ST8SIA4: variants seen among roughly 807,000 people sequenced by gnomAD.
ST8SIA4 encodes CMP-N-acetylneuraminate-poly-alpha-2,8-sialyltransferase.
In ST8SIA4, 15 loss-of-function variants were observed where a neutral mutation model predicts 33.9. The observed-to-expected ratio is 0.44, with a 90% CI of 0.30 to 0.68. ST8SIA4 has a LOEUF of 0.68. ST8SIA4 is among the 30% of genes least tolerant of loss of function. The pLI, the probability that ST8SIA4 is intolerant of heterozygous loss-of-function variation, is 0.10. For missense variants in ST8SIA4, 321 were observed against 428.0 expected (o/e 0.75, Z 2.21); for synonymous variants, 171 against 151.2 (o/e 1.13, Z -0.96).
chr5:100,818,796 A>G (rs17779694), intron 4 of ST8SIA4, among the ~76,000 whole-genome samples: 4,975 of 152,278 alleles, frequency 0.033, 106 homozygotes, highest in African/African-American at 0.059. Context: ...CATGGCATGA[A>G]GAAAGGAATG....
chr5:100,853,212 T>A (rs1311095384), intron 4 of ST8SIA4, among the ~76,000 whole-genome samples: 1 of 152,204 alleles, frequency 6.6e-6, no homozygotes, highest in Non-Finnish European at 1.5e-5. Context: ...CACTTCCTTA[T>A]TTTCATTTAC....
chr5:100,874,488 T>G (rs1442794525), intron 3 of ST8SIA4, among the ~76,000 whole-genome samples: 1 of 152,148 alleles, frequency 6.6e-6, no homozygotes, highest in Non-Finnish European at 1.5e-5. Context: ...TGATTCATAT[T>G]TTTATGTCCT....
chr5:100,835,783 C>T (rs753070633), intron 4 of ST8SIA4, among the ~76,000 whole-genome samples: 5 of 152,116 alleles, frequency 3.3e-5, no homozygotes, highest in Admixed American at 6.6e-5. Context: ...ATACATTGGA[C>T]ATATTCATTC....
At chr5:100,897,965 C>T (rs556172999) in intron 1 of ST8SIA4, among the ~76,000 whole-genome samples, 5 of 152,208 alleles carry the variant, frequency 3.3e-5, no homozygotes, top group African/African-American at 4.8e-5. Context: ...CAGAAGCTAA[C>T]GTTCACACTT....
At chr5:100,816,474 G>A in intron 4 of ST8SIA4, 1 of 519,050 alleles carries the variant, frequency 1.9e-6, no homozygotes, top group South Asian at 1.5e-5. Context: ...AAGTCTAAAA[G>A]TTTAGAAGTA....
At chr5:100,881,914 T>C (rs1391366089) in intron 3 of ST8SIA4, among the ~76,000 whole-genome samples, 1 of 152,218 alleles carries the variant, frequency 6.6e-6, no homozygotes, top group African/African-American at 2.4e-5. Flanking sequence ...TCTCCAGCCA[T>C]GTGGAATTGT....
intron 3 of ST8SIA4, among the ~76,000 whole-genome samples, chr5:100,878,605 A>T (rs1752353108): frequency 6.6e-6 from 1 of 152,144 alleles, no homozygotes; most frequent in African/African-American, 2.4e-5. Flanking sequence ...TGTTTTGCTT[A>T]TTGCTTCCTA....
At position 100,811,212 on chromosome 5, in the gene ST8SIA4, A is replaced by G. The variant is rs1355977424; in HGVS notation, c.*635T>C. ...CTTTGTGTGATAGCTTTTAAAAAGT[A>G]TAAGAACTTTAAAAATAATTACTTA... is the stretch of plus-strand genomic sequence containing the variant. On this transcript the variant is annotated 3_prime_UTR_variant, in exon 5 of 5. Transcript: ENST00000231461. 6.6e-6 allele frequency: 1 copy of G among 152,390 alleles called. No individual in the cohort carries two copies. The highest frequency in any genetic ancestry group is 1.5e-5 in the Non-Finnish European group (1 of 68,032). 9.4% of individuals were successfully genotyped at this position (152,390 alleles called of 1,614,324 possible).
At position 100,897,257 on chromosome 5, in the gene ST8SIA4, C is replaced by G. The variant is rs572600334; in HGVS notation, c.114-1472G>C. Reference sequence around the variant, plus strand: ...AGCTAGTATATCATGTGGCATGGTACTAGCTGAGGTGCTGGTGGGAGTGAT... The same window carrying G: ...AGCTAGTATATCATGTGGCATGGTAGTAGCTGAGGTGCTGGTGGGAGTGAT... On this transcript the variant is annotated intron_variant, in intron 1 of 4. Coordinates refer to ENST00000231461, the MANE Select transcript of ST8SIA4 (RefSeq NM_005668.6). Among the ~76,000 whole-genome samples the G allele has an allele frequency of 5.9e-5, 9 of 152,186 alleles. No individual in the cohort carries two copies. In the South Asian group the frequency reaches 8.3e-4, roughly 14 times the overall value.
At chr5:100,836,936 A>G (rs1456268498) in intron 4 of ST8SIA4, among the ~76,000 whole-genome samples, 1 of 151,596 alleles carries the variant, frequency 6.6e-6, no homozygotes. Flanking sequence ...ACTTATCGCT[A>G]TTGACTTTAC....
intron 4 of ST8SIA4, among the ~76,000 whole-genome samples, chr5:100,834,341 C>T (rs1185740051): frequency 6.6e-6 from 1 of 152,074 alleles, no homozygotes; most frequent in Non-Finnish European, 1.5e-5. Flanking sequence ...ACAGTTATCT[C>T]ATAACTATTT....
chr5:100,833,915 A>G (rs191661037), intron 4 of ST8SIA4, among the ~76,000 whole-genome samples: 1 of 152,234 alleles, frequency 6.6e-6, no homozygotes, highest in Admixed American at 6.5e-5. Flanking sequence ...TAATTATCCA[A>G]GTGAGGTAAG....
intron 3 of ST8SIA4, among the ~76,000 whole-genome samples, chr5:100,873,971 G>A (rs921560155): frequency 2.0e-5 from 3 of 152,060 alleles, no homozygotes; most frequent in Admixed American, 6.6e-5. Context: ...TTTAAGCATT[G>A]CTTTGCAAAA....
chr5:100,820,892 G>A (rs1359023511), intron 4 of ST8SIA4, among the ~76,000 whole-genome samples: 1 of 152,132 alleles, frequency 6.6e-6, no homozygotes, highest in African/African-American at 2.4e-5. Flanking sequence ...ATTGGAGGTA[G>A]AGTAAAATAT....
intron 3 of ST8SIA4, among the ~76,000 whole-genome samples, chr5:100,866,515 G>T (rs1050028447): frequency 7.9e-5 from 12 of 151,232 alleles, no homozygotes; most frequent in African/African-American, 2.9e-4. Context: ...ATGTTACAAA[G>T]ACATCTTTGT....
chr5:100,826,077 G>A (rs189272566), intron 4 of ST8SIA4, among the ~76,000 whole-genome samples: 1,610 of 152,142 alleles, frequency 0.011, 12 homozygotes, highest in Non-Finnish European at 0.014. Context: ...TGTTCTTACT[G>A]GATAGAAACA....
At chr5:100,867,621 C>T (rs1752095594) in intron 3 of ST8SIA4, among the ~76,000 whole-genome samples, 1 of 151,858 alleles carries the variant, frequency 6.6e-6, no homozygotes, top group Non-Finnish European at 1.5e-5. Flanking sequence ...AGTGATTATA[C>T]CATCAAATTG....
intron 3 of ST8SIA4, among the ~76,000 whole-genome samples, chr5:100,869,132 G>A (rs1259666332): frequency 6.6e-6 from 1 of 152,068 alleles, no homozygotes; most frequent in African/African-American, 2.4e-5. Context: ...ATTTGTATCT[G>A]AACTTTCTGA....
rs1211598839 is a variant in ST8SIA4 at position 100,897,494 on chromosome 5, G to A, written c.114-1709C>T. On this transcript the variant is annotated intron_variant, in intron 1 of 4. Transcript: ENST00000231461. The stretch of plus-strand genomic sequence containing the variant: ...TACATCGCCTTTTACTTCTTAGAAA[G>A]TCAAAAATATAGTTAAAAAATAACA... Among the ~76,000 whole-genome samples the A allele has an allele frequency of 2.0e-5, 3 of 152,114 alleles. No individual in the cohort carries two copies. The East Asian group carries it at 5.8e-4, about 29-fold the overall frequency.
Sources: allele counts gnomAD v4.1 joint callset (sites outside exome capture counted in the v4.1 genomes callset), GRCh38; gene constraint gnomAD v4.1.1; transcripts MANE v1.5; gene names NCBI Gene and HGNC (gene_info 2026-07-23, HGNC 2026-07-21).